SAMMSON: variants seen among roughly 807,000 people sequenced by gnomAD.
SAMMSON encodes survival associated mitochondrial melanoma specific oncogenic non-coding RNA.
At chr3:70,434,320 T>C (rs527524041) in intron 2 of SAMMSON, among the ~76,000 whole-genome samples, 36 of 152,328 alleles carry the variant, frequency 2.4e-4, no homozygotes, top group Admixed American at 2.2e-3. Context: ...AGTTTTATAG[T>C]TTTCCTCATA....
chr3:70,221,621 C>G (rs935515424), intron 4 of SAMMSON, among the ~76,000 whole-genome samples: 1 of 152,122 alleles, frequency 6.6e-6, no homozygotes, highest in East Asian at 1.9e-4. Flanking sequence ...TGTGCTGTCT[C>G]TAACCTGATT....
rs544596482 is a variant in SAMMSON, at chr3:70,147,744, AT to A, written n.507+76181del. Among the ~76,000 whole-genome samples, 3 of 152,232 alleles carry A rather than the reference AT, an allele frequency of 2.0e-5. No homozygotes were observed. The South Asian group carries it at 6.2e-4, about 32-fold the overall frequency. ...TTTGTGATCTGTGGTTAAGTGAAGA[AT>A]TCTTAGACATGCCATCAAAATATAA... is the stretch of plus-strand genomic sequence containing the variant. On this transcript the variant is annotated intron_variant and non_coding_transcript_variant, in intron 4 of 9. Transcript: ENST00000642114.
chr3:70,264,896 C>T (rs143337209), intron 6 of SAMMSON, among the ~76,000 whole-genome samples: 3 of 152,198 alleles, frequency 2.0e-5, no homozygotes, highest in South Asian at 2.1e-4. Context: ...ACAGGAAAGA[C>T]GATTAATTGA....
intron 7 of SAMMSON, among the ~76,000 whole-genome samples, chr3:70,335,650 C>T (rs1702655132): frequency 6.6e-6 from 1 of 151,970 alleles, no homozygotes; most frequent in African/African-American, 2.4e-5. Context: ...CTTGTGCCCA[C>T]TCCTGTCTGG....
chr3:70,306,857 T>A (rs1353236516), intron 7 of SAMMSON, among the ~76,000 whole-genome samples: 2 of 152,192 alleles, frequency 1.3e-5, no homozygotes, highest in Admixed American at 6.5e-5. Context: ...TTAGGTCATA[T>A]GATTGGTGTC....
chr3:70,306,667 C>T (rs1372435041), intron 7 of SAMMSON, among the ~76,000 whole-genome samples: 2 of 152,028 alleles, frequency 1.3e-5, no homozygotes, highest in African/African-American at 4.8e-5. Flanking sequence ...GCACCAACAT[C>T]TGGTTAGAAG....
At chr3:70,294,930 A>G (rs1702275314) in intron 7 of SAMMSON, among the ~76,000 whole-genome samples, 1 of 152,186 alleles carries the variant, frequency 6.6e-6, no homozygotes, top group Admixed American at 6.5e-5. Context: ...AAAGCAAAGT[A>G]AAACAACCAA....
At chr3:70,262,695 C>G (rs1044353612) in intron 6 of SAMMSON, among the ~76,000 whole-genome samples, 3 of 152,146 alleles carry the variant, frequency 2.0e-5, no homozygotes, top group African/African-American at 7.2e-5. Flanking sequence ...ATGCACCATG[C>G]TTGCCTTGCT....
At chr3:70,384,914 C>T (rs1345080290) in intron 9 of SAMMSON, among the ~76,000 whole-genome samples, 1 of 151,992 alleles carries the variant, frequency 6.6e-6, no homozygotes, top group Non-Finnish European at 1.5e-5. Flanking sequence ...GTGGCTATTA[C>T]CACTTGAGAT....
chr3:70,216,854 C>T (rs565383083), intron 4 of SAMMSON, among the ~76,000 whole-genome samples: 15 of 152,192 alleles, frequency 9.9e-5, no homozygotes, highest in African/African-American at 3.4e-4. Flanking sequence ...GGGCTAGATG[C>T]GCTAGCATTT....
intron 4 of SAMMSON, chr3:70,084,578 C>T (rs1272340397): frequency 1.3e-5 from 2 of 152,116 alleles, no homozygotes; most frequent in Non-Finnish European, 2.9e-5. Flanking sequence ...CGTGCCTGTC[C>T]ACACTTCCCA....
intron 6 of SAMMSON, among the ~76,000 whole-genome samples, chr3:70,285,905 G>C (rs1021192665): frequency 1.3e-5 from 2 of 151,354 alleles, no homozygotes; most frequent in African/African-American, 4.9e-5. Flanking sequence ...TGATGGGGTT[G>C]TTTGTTTTTT....
intron 2 of SAMMSON, among the ~76,000 whole-genome samples, chr3:70,419,670 G>A (rs1011201488): frequency 6.6e-6 from 1 of 151,992 alleles, no homozygotes; most frequent in South Asian, 2.1e-4. Context: ...ACTGAGTCCC[G>A]CTCTGTCACC....
At position 70,032,440 on chromosome 3, in the gene SAMMSON, G is replaced by A. The variant is rs113097089; in HGVS notation, n.417+18768G>A. Among the ~76,000 whole-genome samples, 7 of 152,262 alleles carry A rather than the reference G, an allele frequency of 4.6e-5. No homozygotes were observed. In the East Asian group the frequency reaches 1.4e-3, roughly 29 times the overall value. On this transcript the variant is annotated intron_variant and non_coding_transcript_variant, in intron 3 of 9. Coordinates refer to ENST00000642114, the Ensembl canonical transcript of SAMMSON. Reference sequence around the variant, plus strand: ...GAACCGTGAATTTTAAACTCCTTCAGCCTAGAGGATTTTGCTTTCTCTGTC... The same window carrying A: ...GAACCGTGAATTTTAAACTCCTTCAACCTAGAGGATTTTGCTTTCTCTGTC...
At chr3:70,005,222 CTTGT>C (rs1269823949) in intron 1 of SAMMSON, among the ~76,000 whole-genome samples, 1 of 152,042 alleles carries the variant, frequency 6.6e-6, no homozygotes, top group South Asian at 2.1e-4. Flanking sequence ...CCCTCCTGCC[CTTGT>C]TTAAGTTATA....
intron 6 of SAMMSON, among the ~76,000 whole-genome samples, chr3:70,286,604 T>C (rs147685202): frequency 0.37 from 55,863 of 151,058 alleles, 10,783 homozygotes; most frequent in East Asian, 0.62. Context: ...AGAAAGTCAT[T>C]GGTAGCTTGA....
intron 4 of SAMMSON, among the ~76,000 whole-genome samples, chr3:70,130,629 C>T (rs181095146): frequency 4.6e-3 from 700 of 152,168 alleles, no homozygotes; most frequent in Non-Finnish European, 7.7e-3. Context: ...CTCACTCCCT[C>T]TTGGGATGCA....
At chr3:70,119,098 C>T (rs1446555407) in intron 4 of SAMMSON, among the ~76,000 whole-genome samples, 1 of 152,138 alleles carries the variant, frequency 6.6e-6, no homozygotes. Context: ...CGGAGTTTCG[C>T]TCTTGTTACC....
chr3:70,151,638 AAC>A (rs2067572232), intron 4 of SAMMSON, among the ~76,000 whole-genome samples: 2 of 152,094 alleles, frequency 1.3e-5, no homozygotes. Flanking sequence ...TAAATGATAA[AAC>A]AGTGATACAT....
Sources: allele counts gnomAD v4.1 joint callset (sites outside exome capture counted in the v4.1 genomes callset), GRCh38; gene constraint gnomAD v4.1.1; transcripts MANE v1.5; gene names NCBI Gene and HGNC (gene_info 2026-07-23, HGNC 2026-07-21).